The following ANO6 variants were observed in gnomAD, a reference collection of about 807,000 sequenced individuals.
ANO6 encodes the protein anoctamin 6, also known as anoctamin-6.
A neutral mutation model predicts 117.5 loss-of-function variants in ANO6; 106 were observed. That is an observed-to-expected ratio of 0.90 (90% CI 0.77 to 1.06). The LOEUF is 1.06. Among genes scored for constraint, ANO6 ranks in the 50% least tolerant of loss-of-function variants. The pLI is 0.00. For synonymous variants in ANO6, 367 were observed against 385.1 expected (o/e 0.95, Z 0.55); for missense variants, 955 against 1,121.1 (o/e 0.85, Z 2.12).
intron 1 of ANO6, among the ~76,000 whole-genome samples, chr12:45,236,720 T>G (rs1421919792): frequency 6.6e-6 from 1 of 152,224 alleles, no homozygotes; most frequent in Non-Finnish European, 1.5e-5. Context: ...GTAGAATGAT[T>G]TATAATCCTT....
intron 15 of ANO6, among the ~76,000 whole-genome samples, chr12:45,404,598 C>G (rs1942883224): frequency 6.6e-6 from 1 of 152,038 alleles, no homozygotes; most frequent in South Asian, 2.1e-4. Flanking sequence ...CTTGTAACCT[C>G]TTCTCCATCT....
At chr12:45,251,076 G>C (rs974335869) in intron 1 of ANO6, among the ~76,000 whole-genome samples, 1 of 151,318 alleles carries the variant, frequency 6.6e-6, no homozygotes, top group African/African-American at 2.4e-5. Flanking sequence ...AAAAAAAAAG[G>C]AAAAAAAACC....
intron 12 of ANO6, among the ~76,000 whole-genome samples, chr12:45,399,351 A>C (rs1272318341): frequency 6.6e-6 from 1 of 151,870 alleles, no homozygotes; most frequent in Non-Finnish European, 1.5e-5. Context: ...ACCTGCCACC[A>C]CGCCCAGCTA....
chr12:45,243,584 T>C (rs1947778192), intron 1 of ANO6, among the ~76,000 whole-genome samples: 1 of 151,968 alleles, frequency 6.6e-6, no homozygotes, highest in Non-Finnish European at 1.5e-5. Context: ...AGTTTTGTTC[T>C]TGTCGCCTAG....
chr12:45,350,579 AGT>A, intron 6 of ANO6, 78 bp from the exon 7 acceptor site: 1 of 1,095,318 alleles, frequency 9.1e-7, no homozygotes, highest in Non-Finnish European at 1.4e-6. Context: ...TTGACTATCA[AGT>A]ATTTGTATCA....
intron 11 of ANO6, among the ~76,000 whole-genome samples, chr12:45,389,690 C>A (rs1247170184): frequency 6.6e-6 from 1 of 152,188 alleles, no homozygotes; most frequent in African/African-American, 2.4e-5. Flanking sequence ...CTGACCACAG[C>A]AACTTACTAG....
At chr12:45,395,952 C>G (rs1402357371) in intron 12 of ANO6, among the ~76,000 whole-genome samples, 1 of 152,198 alleles carries the variant, frequency 6.6e-6, no homozygotes, top group African/African-American at 2.4e-5. Flanking sequence ...TGCCCTCTCT[C>G]TCCACTCCCA....
At chr12:45,397,380 A>G (rs960761508) in intron 12 of ANO6, among the ~76,000 whole-genome samples, 2 of 152,176 alleles carry the variant, frequency 1.3e-5, no homozygotes, top group Non-Finnish European at 2.9e-5. Context: ...ATGCTTTTAC[A>G]CTGTTGGGAG....
chr12:45,371,563 G>A (rs542919185), intron 9 of ANO6, among the ~76,000 whole-genome samples: 9 of 152,032 alleles, frequency 5.9e-5, no homozygotes, highest in African/African-American at 9.6e-5. Flanking sequence ...CCTGACCCCC[G>A]AGCAGCCTAA....
At position 45,431,020 on chromosome 12, in the gene ANO6, T is replaced by A; in HGVS notation, c.*1709T>A. The A allele has an allele frequency of 8.1e-6, 8 of 985,440 alleles. No individual in the cohort carries two copies. The highest frequency in any genetic ancestry group is 9.6e-6 in the Non-Finnish European group (8 of 829,944). 61.0% of individuals were successfully genotyped at this position (985,440 alleles called of 1,614,324 possible). ...AAAGTAGCGTAACTCTAGGTCATGA[T>A]TGATTTCAAATGCCTGCCATGAATG... On this transcript the variant is annotated 3_prime_UTR_variant, in exon 20 of 20. Transcript: ENST00000320560.
chr12:45,231,056 A>G (rs1947566136), intron 1 of ANO6, among the ~76,000 whole-genome samples: 1 of 152,198 alleles, frequency 6.6e-6, no homozygotes. Context: ...GCAGTGAACC[A>G]ATATCACACC....
At chr12:45,426,038 C>T (rs1040385160) in intron 19 of ANO6, among the ~76,000 whole-genome samples, 25 of 152,264 alleles carry the variant, frequency 1.6e-4, no homozygotes, top group Non-Finnish European at 2.8e-4. Flanking sequence ...AAGGAAATGA[C>T]GTTATTCAAG....
chr12:45,239,699 C>T (rs1201939997), intron 1 of ANO6, among the ~76,000 whole-genome samples: 1 of 152,058 alleles, frequency 6.6e-6, no homozygotes, highest in Non-Finnish European at 1.5e-5. Flanking sequence ...TATAAATTTC[C>T]CTCTGCACAC....
chr12:45,402,246 A>G (rs1245668860), intron 13 of ANO6, among the ~76,000 whole-genome samples: 1 of 152,228 alleles, frequency 6.6e-6, no homozygotes, highest in Non-Finnish European at 1.5e-5. Context: ...AGCTCTCTGT[A>G]AACAGATCAG....
chr12:45,216,798 C>A (rs1476293279), intron 1 of ANO6, among the ~76,000 whole-genome samples: 3 of 152,194 alleles, frequency 2.0e-5, no homozygotes, highest in Non-Finnish European at 4.4e-5. Flanking sequence ...GGGAGCAGGC[C>A]CGCATTTGGA....
At chr12:45,261,304 T>C (rs1938025255) in intron 1 of ANO6, among the ~76,000 whole-genome samples, 1 of 152,242 alleles carries the variant, frequency 6.6e-6, no homozygotes, top group Non-Finnish European at 1.5e-5. Context: ...CCTATGATGT[T>C]AACTGTATTA....
chr12:45,439,971 T>C, exon 20 of ANO6: 1 of 1,456,622 alleles, frequency 6.9e-7, no homozygotes, highest in Non-Finnish European at 9.0e-7. Context: ...CAAATATTTG[T>C]GTGTCTATTA....
At chr12:45,338,385 A>T (rs1281996906) in intron 3 of ANO6, among the ~76,000 whole-genome samples, 2 of 152,062 alleles carry the variant, frequency 1.3e-5, no homozygotes, top group African/African-American at 4.8e-5. Flanking sequence ...AACAGCGTGG[A>T]AAGTTTGCCT....
intron 1 of ANO6, among the ~76,000 whole-genome samples, chr12:45,289,035 C>A (rs1469494315): frequency 1.3e-5 from 2 of 151,818 alleles, no homozygotes; most frequent in Non-Finnish European, 2.9e-5. Flanking sequence ...CATGAATATT[C>A]TATAAATTAT....
Sources: gnomAD v4.1 joint callset for allele counts (sites outside exome capture counted in the v4.1 genomes callset) on GRCh38, gnomAD v4.1.1 for gene constraint, MANE v1.5 for transcripts, NCBI Gene and HGNC (gene_info 2026-07-23, HGNC 2026-07-21) for gene names.